The following PTPRD variants were observed in gnomAD, a reference collection of about 807,000 sequenced individuals.
PTPRD encodes the protein protein tyrosine phosphatase receptor type D, also known as receptor-type tyrosine-protein phosphatase delta.
Under a neutral mutation model 214.5 loss-of-function variants are expected in PTPRD, and 34 were observed. The ratio of observed to expected loss-of-function variants is 0.16; its 90% CI spans 0.12 to 0.21. PTPRD has a LOEUF of 0.21. Ranked by LOEUF, PTPRD falls within the 10% of genes least tolerant of loss-of-function variation. The pLI is 1.00. For synonymous variants in PTPRD, 1,128 were observed against 845.7 expected (o/e 1.33, Z -5.79); for missense variants, 2,545 against 2,398.7 (o/e 1.06, Z -1.27).
chr9:10,096,436 T>G, intron 3 of PTPRD, among the ~76,000 whole-genome samples: 1 of 151,950 alleles, frequency 6.6e-6, no homozygotes, highest in African/African-American at 2.4e-5. Context: ...CCATTCTAAC[T>G]GGCGTGAGAT....
intron 2 of PTPRD, among the ~76,000 whole-genome samples, chr9:10,433,892 C>T (rs1025082105): frequency 4.6e-5 from 7 of 151,736 alleles, no homozygotes; most frequent in African/African-American, 1.7e-4. Flanking sequence ...GATCAGAATA[C>T]TGTATTTTAA....
chr9:10,176,405 A>C (rs2099249002), intron 3 of PTPRD, among the ~76,000 whole-genome samples: 1 of 151,898 alleles, frequency 6.6e-6, no homozygotes, highest in African/African-American at 2.4e-5. Context: ...CAAATCACTC[A>C]GATTATCCAT....
At chr9:10,287,378 C>A (rs905545872) in intron 3 of PTPRD, among the ~76,000 whole-genome samples, 4 of 152,170 alleles carry the variant, frequency 2.6e-5, no homozygotes, top group Admixed American at 2.0e-4. Flanking sequence ...AAAACCTGTA[C>A]ACTCATAGCA....
intron 7 of PTPRD, among the ~76,000 whole-genome samples, chr9:9,617,551 C>T (rs755243430): frequency 2.6e-5 from 4 of 151,814 alleles, no homozygotes; most frequent in African/African-American, 7.3e-5. Flanking sequence ...GCAGGTATTT[C>T]GTTGAATGAA....
At chr9:8,751,741 G>C (rs1349426232) in intron 11 of PTPRD, among the ~76,000 whole-genome samples, 1 of 152,142 alleles carries the variant, frequency 6.6e-6, no homozygotes, top group Non-Finnish European at 1.5e-5. Context: ...CCAACATGAA[G>C]TCATTTAACT....
At chr9:9,325,238 G>A (rs528562224) in intron 9 of PTPRD, among the ~76,000 whole-genome samples, 1 of 152,156 alleles carries the variant, frequency 6.6e-6, no homozygotes, top group Non-Finnish European at 1.5e-5. Flanking sequence ...GAAAGTCCTT[G>A]GTAGCTTGAT....
At chr9:9,717,172 G>A (rs370510937) in intron 7 of PTPRD, among the ~76,000 whole-genome samples, 15 of 152,100 alleles carry the variant, frequency 9.9e-5, no homozygotes, top group East Asian at 5.8e-4. Flanking sequence ...GATATGCGGC[G>A]TTATTTCTGA....
chr9:9,945,513 C>T (rs113306244), intron 4 of PTPRD, among the ~76,000 whole-genome samples: 13 of 152,132 alleles, frequency 8.5e-5, no homozygotes, highest in African/African-American at 2.6e-4. Flanking sequence ...CAGAAGCCAA[C>T]CAAAAACAGT....
rs62533751 is a variant in PTPRD at position 9,902,925 on chromosome 9, G to A, written c.-368+35582C>T. On this transcript the variant is annotated intron_variant, in intron 5 of 45. Transcript: ENST00000381196. Reference sequence around the variant, plus strand: ...GTTTGTGTAATATCAAAAGTGTGACGTTGGCTAACAGTGAAAATAAAACTG... The same window carrying A: ...GTTTGTGTAATATCAAAAGTGTGACATTGGCTAACAGTGAAAATAAAACTG... Among the ~76,000 whole-genome samples, 247 of 152,148 alleles carry A rather than the reference G, an allele frequency of 1.6e-3. 2 individuals are homozygous for A. The highest frequency in any genetic ancestry group is 2.8e-3 in the Non-Finnish European group (189 of 67,974).
rs181978025 is a variant in PTPRD, at chr9:9,416,291, T to C, written c.-236-18809A>G. On this transcript the variant is annotated intron_variant, in intron 8 of 45. Coordinates refer to ENST00000381196, the MANE Select transcript of PTPRD (RefSeq NM_002839.4). The stretch of plus-strand genomic sequence containing the variant: ...GATCGTCTCATGGTTGGGTTTGAAA[T>C]CTTTCCATGCAGTGTTATGAGTGGG... Among the ~76,000 whole-genome samples the C allele has an allele frequency of 6.6e-5, 10 of 152,300 alleles. No individual in the cohort carries two copies. The East Asian group carries it at 1.9e-3, about 29-fold the overall frequency.
At chr9:10,426,096 T>G (rs2098611803) in intron 2 of PTPRD, among the ~76,000 whole-genome samples, 1 of 152,034 alleles carries the variant, frequency 6.6e-6, no homozygotes, top group Non-Finnish European at 1.5e-5. Context: ...CAGATAATGA[T>G]GCAATACTAA....
At chr9:9,887,702 A>C (rs1200763666) in intron 5 of PTPRD, among the ~76,000 whole-genome samples, 1 of 152,164 alleles carries the variant, frequency 6.6e-6, no homozygotes, top group South Asian at 2.1e-4. Flanking sequence ...CACTTCCTTA[A>C]AAGTATTTAA....
rs1821197583 is a variant in PTPRD at position 8,315,563 on chromosome 9, C to T, written c.*2311G>A. On this transcript the variant is annotated 3_prime_UTR_variant, in exon 46 of 46. Transcript: ENST00000381196. ...ATAACAGACCCACATAGTGCACATT[C>T]TTCTCTGGTTCTGATGTAGGTTAGA... 8.7e-6 allele frequency: 2 copies of T among 231,104 alleles called. No individual in the cohort carries two copies. Among genetic ancestry groups the T allele is most frequent in the Non-Finnish European group, 1.7e-5 (2 of 116,356 alleles). The allele number at this position is 231,104 out of a possible 1,614,324, so 14.3% of individuals were successfully genotyped here. A position where few individuals can be genotyped will look rare whatever the true frequency, so the allele number is the denominator to read the frequency against.
At chr9:9,000,257 C>T (rs891182102) in intron 11 of PTPRD, among the ~76,000 whole-genome samples, 29 of 151,994 alleles carry the variant, frequency 1.9e-4, no homozygotes, top group Admixed American at 1.9e-3. Context: ...TCCAAGTACC[C>T]ATAAAGGTCT....
chr9:10,523,145 C>A (rs774263468), intron 2 of PTPRD, among the ~76,000 whole-genome samples: 1 of 151,892 alleles, frequency 6.6e-6, no homozygotes, highest in Non-Finnish European at 1.5e-5. Flanking sequence ...GTAGGTCTTG[C>A]CAATTAGAAC....
At chr9:9,418,769 G>C (rs571861540) in intron 8 of PTPRD, among the ~76,000 whole-genome samples, 1 of 152,038 alleles carries the variant, frequency 6.6e-6, no homozygotes, top group East Asian at 1.9e-4. Context: ...CATTGAAAGT[G>C]AGATCAGGCC....
At chr9:9,484,612 G>A (rs1343108645) in intron 8 of PTPRD, among the ~76,000 whole-genome samples, 2 of 152,080 alleles carry the variant, frequency 1.3e-5, no homozygotes, top group African/African-American at 4.8e-5. Flanking sequence ...TTCATTCAGT[G>A]CCCATATACA....
chr9:9,174,349 C>T (rs2131105376), intron 10 of PTPRD, among the ~76,000 whole-genome samples: 1 of 152,152 alleles, frequency 6.6e-6, no homozygotes, highest in Middle Eastern at 3.4e-3. Flanking sequence ...TCCACAATTA[C>T]CCATTTAAGA....
chr9:9,123,431 G>T (rs78800229), intron 10 of PTPRD, among the ~76,000 whole-genome samples: 291 of 152,274 alleles, frequency 1.9e-3, no homozygotes, highest in African/African-American at 6.8e-3. Flanking sequence ...ACTATCAGTA[G>T]ACTGACAGCT....
Sources: gnomAD v4.1 joint callset for allele counts (sites outside exome capture counted in the v4.1 genomes callset) on GRCh38, gnomAD v4.1.1 for gene constraint, MANE v1.5 for transcripts, NCBI Gene and HGNC (gene_info 2026-07-23, HGNC 2026-07-21) for gene names.